The following PCCA variants were observed in gnomAD, a reference collection of about 807,000 sequenced individuals.
The protein encoded by PCCA is propionyl-CoA carboxylase alpha chain, mitochondrial.
Under a neutral mutation model 101.3 loss-of-function variants are expected in PCCA, and 74 were observed. The observed-to-expected ratio is 0.73, with a 90% CI of 0.61 to 0.89. The LOEUF (loss-of-function observed/expected upper bound fraction) is 0.89, where lower values mean the gene tolerates loss of function less well. PCCA is among the 40% of genes least tolerant of loss of function. The pLI, the probability that PCCA is intolerant of heterozygous loss-of-function variation, is 0.00. For missense variants in PCCA, 891 were observed against 907.0 expected (o/e 0.98, Z 0.23); for synonymous variants, 294 against 313.6 (o/e 0.94, Z 0.66).
intron 16 of PCCA, among the ~76,000 whole-genome samples, chr13:100,323,412 C>T (rs2068286959): frequency 6.6e-6 from 1 of 151,968 alleles, no homozygotes; most frequent in Admixed American, 6.6e-5. Flanking sequence ...ACCTTCACCT[C>T]CCGGCTTCAA....
chr13:100,175,867 T>C (rs944293280), intron 6 of PCCA, among the ~76,000 whole-genome samples: 1 of 152,196 alleles, frequency 6.6e-6, no homozygotes, highest in Admixed American at 6.5e-5. Flanking sequence ...TGTGACTGCT[T>C]TTCCATTTCA....
intron 17 of PCCA, among the ~76,000 whole-genome samples, chr13:100,331,335 G>A (rs2069537325): frequency 6.6e-6 from 1 of 152,192 alleles, no homozygotes; most frequent in African/African-American, 2.4e-5. Flanking sequence ...TGTTACTCAG[G>A]TGAAAGCCTC....
At chr13:100,320,250 T>A (rs1200880437) in intron 16 of PCCA, among the ~76,000 whole-genome samples, 1 of 152,202 alleles carries the variant, frequency 6.6e-6, no homozygotes, top group Admixed American at 6.5e-5. Context: ...TTTCTAGATA[T>A]ACAATCATGT....
intron 8 of PCCA, among the ~76,000 whole-genome samples, chr13:100,246,997 C>T (rs899388307): frequency 2.6e-5 from 4 of 151,622 alleles, no homozygotes; most frequent in African/African-American, 9.7e-5. Flanking sequence ...CAACCTCCGC[C>T]TCCCGGGTTC....
chr13:100,464,174 G>A (rs1003248710), intron 21 of PCCA, among the ~76,000 whole-genome samples: 2 of 152,156 alleles, frequency 1.3e-5, no homozygotes, highest in Non-Finnish European at 2.9e-5. Flanking sequence ...CAAGTTATGT[G>A]TTCACAGGAA....
chr13:100,134,384 A>G (rs2050888596), intron 4 of PCCA, among the ~76,000 whole-genome samples: 1 of 152,036 alleles, frequency 6.6e-6, no homozygotes, highest in South Asian at 2.1e-4. Flanking sequence ...GCCTTTTCGT[A>G]TACATTTTAG....
At chr13:100,456,103 A>G (rs2081687140) in intron 21 of PCCA, among the ~76,000 whole-genome samples, 1 of 152,190 alleles carries the variant, frequency 6.6e-6, no homozygotes, top group Non-Finnish European at 1.5e-5. Flanking sequence ...GCCAGTGTGA[A>G]TAGTGCCCTC....
chr13:100,489,032 G>A (rs940524355), intron 21 of PCCA, among the ~76,000 whole-genome samples: 4 of 152,126 alleles, frequency 2.6e-5, no homozygotes, highest in Non-Finnish European at 5.9e-5. Context: ...TTGGCTGGGT[G>A]CGGTGGCTCA....
intron 8 of PCCA, 27 bp downstream of exon 8, chr13:100,235,905 G>T (rs2060773552): frequency 1.3e-6 from 2 of 1,495,050 alleles, no homozygotes; most frequent in African/African-American, 2.7e-5. Flanking sequence ...ACTTTGGTAG[G>T]ATTTCTGTGT....
chr13:100,273,578 CTT>C (rs946227700), intron 12 of PCCA, among the ~76,000 whole-genome samples: 1 of 152,172 alleles, frequency 6.6e-6, no homozygotes, highest in Non-Finnish European at 1.5e-5. Context: ...GGAAATACCA[CTT>C]TGTTTTTTTC....
At chr13:100,332,168 G>A (rs1194956033) in intron 17 of PCCA, among the ~76,000 whole-genome samples, 2 of 152,022 alleles carry the variant, frequency 1.3e-5, no homozygotes, top group African/African-American at 4.8e-5. Flanking sequence ...TCGAACTCTT[G>A]ACCTCGTGAT....
At chr13:100,431,040 G>C (rs1474924003) in intron 20 of PCCA, among the ~76,000 whole-genome samples, 1 of 152,154 alleles carries the variant, frequency 6.6e-6, no homozygotes, top group Non-Finnish European at 1.5e-5. Flanking sequence ...TAGTAAATGG[G>C]AGTGCCAGAA....
At chr13:100,222,268 G>T (rs1458708243) in intron 7 of PCCA, among the ~76,000 whole-genome samples, 1 of 152,014 alleles carries the variant, frequency 6.6e-6, no homozygotes, top group African/African-American at 2.4e-5. Flanking sequence ...GTAGAGATGA[G>T]GTTTCACCAT....
chr13:100,129,795 A>G (rs1163374925), intron 4 of PCCA, among the ~76,000 whole-genome samples: 1 of 152,142 alleles, frequency 6.6e-6, no homozygotes, highest in Non-Finnish European at 1.5e-5. Context: ...CCTGGTCTTC[A>G]CCAGTGGCTC....
intron 16 of PCCA, among the ~76,000 whole-genome samples, chr13:100,325,982 C>T (rs1490559542): frequency 1.3e-5 from 2 of 152,158 alleles, no homozygotes; most frequent in African/African-American, 4.8e-5. Flanking sequence ...AAGGTCCTTT[C>T]AGGCTCATTA....
chr13:100,145,157 T>A (rs1347283571), intron 4 of PCCA, among the ~76,000 whole-genome samples: 1 of 152,246 alleles, frequency 6.6e-6, no homozygotes, highest in Non-Finnish European at 1.5e-5. Flanking sequence ...AGGACACATA[T>A]GGTATAATGA....
intron 19 of PCCA, among the ~76,000 whole-genome samples, chr13:100,380,032 A>AACACAC (rs140284754): frequency 4.0e-5 from 6 of 149,570 alleles, no homozygotes; most frequent in East Asian, 3.9e-4. Context: ...AAGTAATCTA[A>AACACAC]ACACACACAC....
intron 19 of PCCA, among the ~76,000 whole-genome samples, chr13:100,401,827 CTTTG>C (rs1364045153): frequency 6.6e-6 from 1 of 152,114 alleles, no homozygotes; most frequent in Non-Finnish European, 1.5e-5. Context: ...AATAGTCTTA[CTTTG>C]TTTGCAGAAT....
At chr13:100,431,317 G>T (rs1347048141) in intron 20 of PCCA, among the ~76,000 whole-genome samples, 1 of 152,056 alleles carries the variant, frequency 6.6e-6, no homozygotes, top group Non-Finnish European at 1.5e-5. Context: ...ACTCATAAAA[G>T]TTCTTCCTGC....
Sources: allele counts gnomAD v4.1 joint callset (sites outside exome capture counted in the v4.1 genomes callset), GRCh38; gene constraint gnomAD v4.1.1; transcripts MANE v1.5; gene names NCBI Gene and HGNC (gene_info 2026-07-23, HGNC 2026-07-21).